MYOM3: variants seen among roughly 807,000 people sequenced by gnomAD.
MYOM3 encodes the protein myomesin 3.
Under a neutral mutation model 191.7 loss-of-function variants are expected in MYOM3, and 155 were observed. That is an observed-to-expected ratio of 0.81 (90% CI 0.71 to 0.92). The LOEUF (loss-of-function observed/expected upper bound fraction) is 0.92. Ranked by LOEUF, MYOM3 falls within the 40% of genes least tolerant of loss-of-function variation. The probability of loss-of-function intolerance (pLI) is 0.00; values close to 1 mark genes in which losing one functional copy is unlikely to be tolerated. For synonymous variants in MYOM3, 757 were observed against 762.9 expected, an observed-to-expected ratio of 0.99 and a Z score of 0.13; for missense variants, 1,889 against 1,890.6, an observed-to-expected ratio of 1.00 and a Z score of 0.02.
chr1:24,061,093 G>A lies in MYOM3; in HGVS notation c.3972-11C>T. 1 of 1,614,128 alleles carries A rather than the reference G, an allele frequency of 6.2e-7. No individual in the cohort carries two copies. Among genetic ancestry groups the A allele is most frequent in the Non-Finnish European group, 8.5e-7 (1 of 1,180,010 alleles). On this transcript the variant is annotated splice_polypyrimidine_tract_variant and intron_variant, in intron 34 of 36. Transcript: ENST00000374434. ...ATGATGGCCAAGGTTCTGAAAAACA[G>A]AAATGGGAACAAGGTGTGACATTCC...
chr1:24,073,153 C>T lies in MYOM3; in HGVS notation c.2968+1007G>A, dbSNP rs116531713. Among the ~76,000 whole-genome samples the T allele has an allele frequency of 6.0e-3, 908 of 152,230 alleles. 7 individuals carry two copies. The highest frequency in any genetic ancestry group is 0.017 in the South Asian group (80 of 4,814). On this transcript the variant is annotated intron_variant, in intron 23 of 36. Coordinates refer to ENST00000374434, the MANE Select transcript of MYOM3 (RefSeq NM_152372.4). The stretch of plus-strand genomic sequence containing the variant: ...AGCCAGGGATTATAATCCCTCTTTA[C>T]GGGTGAGGAAACTGAGGCCCAGGAA...
chr1:24,108,359 G>T, intron 2 of MYOM3, 117 bp downstream of exon 2: 1 of 1,153,692 alleles, frequency 8.7e-7, no homozygotes, highest in Non-Finnish European at 1.2e-6. Flanking sequence ...TCAGAAAGCA[G>T]GGATGTCCCT....
At chr1:24,065,601 G>C (rs559711423) in intron 29 of MYOM3, among the ~76,000 whole-genome samples, 1 of 152,340 alleles carries the variant, frequency 6.6e-6, no homozygotes, top group African/African-American at 2.4e-5. Context: ...GTCATTGGCA[G>C]GGCCAGTACT....
At chr1:24,066,566 C>G (rs968110840) in intron 28 of MYOM3, 16 of 389,926 alleles carry the variant, frequency 4.1e-5, no homozygotes, top group Non-Finnish European at 6.9e-5. Flanking sequence ...CCTGGGCTCT[C>G]CCTCTTACCG....
chr1:24,107,161 C>A lies in MYOM3; in HGVS notation c.314G>T (p.Gly105Val). The A allele has an allele frequency of 6.2e-7, 1 of 1,611,946 alleles. No individual in the cohort carries two copies. Among genetic ancestry groups the A allele is most frequent in the Non-Finnish European group, 8.5e-7 (1 of 1,179,194 alleles). The change falls in exon 4 of 37, where the codon GGC becomes GTC. Residue 105 changes from glycine (G) to valine (V), a missense_variant. Physicochemically the swap from Gly to Val is moderately radical, Grantham distance 109. Coordinates refer to ENST00000374434, the MANE Select transcript of MYOM3 (RefSeq NM_152372.4). ...GATCTCAGTCCTCTCCCAGTCATTG[C>A]CGAAGCCCACCCGCTTCTGCCCTCG... ...EERGQKRVGF[G>V]NDWERTEIAF...
intron 14 of MYOM3, among the ~76,000 whole-genome samples, chr1:24,088,422 T>G (rs901940985): frequency 6.6e-6 from 1 of 152,230 alleles, no homozygotes; most frequent in Non-Finnish European, 1.5e-5. Context: ...ATTATTATCA[T>G]TTTATGGAAG....
chr1:24,070,429 A>AT (rs914828435), intron 25 of MYOM3, among the ~76,000 whole-genome samples: 2 of 150,678 alleles, frequency 1.3e-5, no homozygotes, highest in South Asian at 2.1e-4. Context: ...AAAAAAAAAA[A>AT]ATATAAAAAT....
chr1:24,082,960 G>A (rs1643692455), intron 16 of MYOM3: 9 of 374,566 alleles, frequency 2.4e-5, no homozygotes, highest in Non-Finnish European at 3.7e-5. Flanking sequence ...ACGCAAATAC[G>A]CTAGGAAAGG....
chr1:24,099,616 C>G, intron 6 of MYOM3, 64 bp downstream of exon 6: 1 of 1,318,486 alleles, frequency 7.6e-7, no homozygotes, highest in Non-Finnish European at 1.1e-6. Context: ...GGTTTGGGAT[C>G]CTGCTCTGGC....
At position 24,111,288 on chromosome 1, in the gene MYOM3, C is replaced by G. The variant is rs1015275032; in HGVS notation, c.-19+743G>C. Among the ~76,000 whole-genome samples the G allele has an allele frequency of 6.6e-6, 1 of 152,216 alleles. No individual in the cohort carries two copies. Among genetic ancestry groups the G allele is most frequent in the South Asian group, 2.1e-4 (1 of 4,832 alleles). ...TATTCCCCTCTGCTTTCCTCCCAAG[C>G]CTCCATCTGCCGAGGAGGCCTCTCC... On this transcript the variant is annotated intron_variant, in intron 1 of 36. Coordinates refer to ENST00000374434, the MANE Select transcript of MYOM3 (RefSeq NM_152372.4). This position sits in a 1 kb window ranked among gnomAD's most constrained non-coding sequence, Gnocchi z 4.7.
intron 14 of MYOM3, among the ~76,000 whole-genome samples, 173 bp from the exon 15 acceptor site, chr1:24,087,000 C>T (rs920473957): frequency 2.0e-5 from 3 of 152,180 alleles, no homozygotes; most frequent in South Asian, 4.1e-4. Context: ...CCTCTCCACC[C>T]GGATTCCTAC....
At chr1:24,080,555 C>T (rs116061369) in intron 19 of MYOM3, among the ~76,000 whole-genome samples, 262 of 152,286 alleles carry the variant, frequency 1.7e-3, no homozygotes, top group African/African-American at 6.1e-3. Context: ...CATGTCAAAA[C>T]TCCACCTCTT....
At chr1:24,090,033 G>A (rs1398551504) in intron 13 of MYOM3, 32 bp downstream of exon 13, 1 of 1,605,200 alleles carries the variant, frequency 6.2e-7, no homozygotes, top group African/African-American at 1.3e-5. Flanking sequence ...GAACTATACA[G>A]GAGGCCCAGT....
In MYOM3 at chr1:24,108,589, G is replaced by T. The variant is rs779989002; in HGVS notation, c.48C>A (p.Pro16=). 4 of 1,568,162 alleles carry T rather than the reference G, an allele frequency of 2.6e-6. No individual in the cohort carries two copies. Among genetic ancestry groups the T allele is most frequent in the Admixed American group, 3.9e-5 (2 of 51,220 alleles). ...SLGGAGDPRP[P]QAMEVHRLEH... is the part of the protein sequence containing the mutation. ...CCAGCCTGTGAACCTCCATGGCCTG[G>T]GGGGGCCGGGGGTCCCCCGCACCTC... The change falls in exon 2 of 37, where the codon CCC becomes CCA. Residue 16 remains proline (P), a synonymous_variant. Coordinates refer to ENST00000374434, the MANE Select transcript of MYOM3 (RefSeq NM_152372.4).
In MYOM3 at chr1:24,108,048, C is replaced by A. The variant is rs754203512; in HGVS notation, c.187G>T (p.Ala63Ser). 3 of 1,613,614 alleles carry A rather than the reference C, an allele frequency of 1.9e-6. No individual in the cohort carries two copies. The highest frequency in any genetic ancestry group is 2.5e-6 in the Non-Finnish European group (3 of 1,179,830). ...SSEEEHEFSAADYALAAALAL... is the reference protein window; with the variant it reads ...SSEEEHEFSASDYALAAALAL... ...AGGGCTGCTGCCAGGGCGTAGTCCG[C>A]GGCGCTGAACTCATGCTCTTCTTCG... Residue 63 changes from alanine (A) to serine (S), a missense_variant, in exon 3 of 37, where the codon GCG becomes TCG. Physicochemically the swap from Ala to Ser is moderately conservative, Grantham distance 99. Transcript: ENST00000374434.
At chr1:24,110,604 T>TCCTTTTG (rs1288115835) in intron 1 of MYOM3, among the ~76,000 whole-genome samples, 30 of 152,114 alleles carry the variant, frequency 2.0e-4, no homozygotes, top group Non-Finnish European at 2.9e-5. Context: ...TTTGGGTGTC[T>TCCTTTTG]GCAGTTGTGG....
chr1:24,089,290 C>T (rs1643783720), intron 14 of MYOM3, among the ~76,000 whole-genome samples: 1 of 152,202 alleles, frequency 6.6e-6, no homozygotes, highest in Admixed American at 6.5e-5. Context: ...TTGTCTGTGT[C>T]TTGTATTTTG....
At position 24,099,730 on chromosome 1, in the gene MYOM3, T is replaced by C. The variant is rs937325287; in HGVS notation, c.606A>G (p.Gly202=). ...TRIDPRLFRA[G]KYRITNNYGL... ...CGTAGTTGTTGGTGATTCGGTATTTTCCGGCACGAAAGAGGCGGGGATCAA... is the reference window on the plus strand; with the variant it reads ...CGTAGTTGTTGGTGATTCGGTATTTCCCGGCACGAAAGAGGCGGGGATCAA... The change falls in exon 6 of 37, where the codon GGA becomes GGG. Residue 202 remains glycine (G), a synonymous_variant. Transcript: ENST00000374434. The C allele has an allele frequency of 6.2e-7, 1 of 1,614,090 alleles. No individual in the cohort carries two copies. Among genetic ancestry groups the C allele is most frequent in the East Asian group, 2.2e-5 (1 of 44,872 alleles).
chr1:24,094,860 G>A lies in MYOM3; in HGVS notation c.921C>T (p.Phe307=). ...AGGACTGGGGGTCCTTACCATCTCG[G>A]AACCACTGGATGCTCTCAGCATCTA... ...DVLDAESIQW[F]RDGSLLRSSR... is the part of the protein sequence containing the mutation. Residue 307 remains phenylalanine (F), a synonymous_variant, in exon 9 of 37, where the codon TTC becomes TTT. Coordinates refer to ENST00000374434, the MANE Select transcript of MYOM3 (RefSeq NM_152372.4). The A allele has an allele frequency of 7.4e-6, 12 of 1,612,394 alleles. No individual in the cohort carries two copies. Among genetic ancestry groups the A allele is most frequent in the Non-Finnish European group, 1.0e-5 (12 of 1,179,116 alleles).
Sources: allele counts gnomAD v4.1 joint callset (sites outside exome capture counted in the v4.1 genomes callset), GRCh38; gene constraint gnomAD v4.1.1; non-coding constraint Gnocchi (gnomAD v3.1); transcripts MANE v1.5; gene names NCBI Gene and HGNC (gene_info 2026-07-23, HGNC 2026-07-21).